The following TMOD3 variants were observed in gnomAD, a reference collection of about 807,000 sequenced individuals.
TMOD3 encodes the protein tropomodulin 3.
TMOD3 carries 20 observed loss-of-function variants against 39.2 expected under a neutral mutation model. The observed-to-expected ratio is 0.51, with a 90% CI of 0.36 to 0.74. TMOD3 has a LOEUF of 0.74. Among genes scored for constraint, TMOD3 ranks in the 30% least tolerant of loss-of-function variants. The pLI is 0.00. For missense variants in TMOD3, 381 were observed against 412.8 expected, an observed-to-expected ratio of 0.92 and a Z score of 0.67; for synonymous variants, 143 against 145.8, an observed-to-expected ratio of 0.98 and a Z score of 0.14.
chr15:51,874,768 C>T (rs1173547675), intron 3 of TMOD3, among the ~76,000 whole-genome samples: 4 of 151,874 alleles, frequency 2.6e-5, no homozygotes, highest in Non-Finnish European at 5.9e-5. Context: ...ATTTTTTTTC[C>T]CTGTGTTATT....
chr15:51,886,426 A>G (rs1274769910), intron 3 of TMOD3, among the ~76,000 whole-genome samples: 3 of 152,242 alleles, frequency 2.0e-5, no homozygotes, highest in Non-Finnish European at 2.9e-5. Flanking sequence ...GCACCTCGGG[A>G]GGCCGAGGCG....
chr15:51,839,831 A>G (rs976033613), intron 1 of TMOD3, among the ~76,000 whole-genome samples: 3 of 152,078 alleles, frequency 2.0e-5, no homozygotes, highest in African/African-American at 7.2e-5. Context: ...TTCTTTTTGG[A>G]ATTTGTTTCT....
chr15:51,873,094 C>T (rs972088421), intron 3 of TMOD3, among the ~76,000 whole-genome samples: 1 of 152,224 alleles, frequency 6.6e-6, no homozygotes, highest in Non-Finnish European at 1.5e-5. Context: ...AGACTCTCAT[C>T]TTTAAAGCAG....
intron 3 of TMOD3, among the ~76,000 whole-genome samples, chr15:51,873,654 TAGTG>T (rs949301617): frequency 6.6e-6 from 1 of 152,130 alleles, no homozygotes; most frequent in African/African-American, 2.4e-5. Context: ...CAAAATCACA[TAGTG>T]AGCTCTCATC....
chr15:51,899,719 C>G (rs1377020921), intron 7 of TMOD3, among the ~76,000 whole-genome samples: 1 of 151,416 alleles, frequency 6.6e-6, no homozygotes, highest in Non-Finnish European at 1.5e-5. Flanking sequence ...GTTCAACCAA[C>G]TTCAGATCAA....
At chr15:51,859,246 G>T (rs1477444318) in intron 1 of TMOD3, 5 of 742,690 alleles carry the variant, frequency 6.7e-6, no homozygotes, top group Non-Finnish European at 1.3e-5. Context: ...GACTCTCCCT[G>T]CAACATTTTC....
intron 3 of TMOD3, chr15:51,875,241 C>T (rs2056496119): frequency 6.6e-6 from 1 of 152,208 alleles, no homozygotes; most frequent in African/African-American, 2.4e-5. Flanking sequence ...ATAACCACCA[C>T]TGGGCAATTG....
At chr15:51,883,479 A>T (rs2433217) in intron 3 of TMOD3, among the ~76,000 whole-genome samples, 54,360 of 151,972 alleles carry the variant, frequency 0.36, 10,216 homozygotes, top group Middle Eastern at 0.43. Flanking sequence ...GCAAGTAAAA[A>T]TTGTGTTGTT....
chr15:51,868,056 T>C (rs2056455961), intron 2 of TMOD3, among the ~76,000 whole-genome samples: 1 of 152,206 alleles, frequency 6.6e-6, no homozygotes, highest in African/African-American at 2.4e-5. Context: ...AAGTACATCC[T>C]AGTGGTCATG....
intron 3 of TMOD3, among the ~76,000 whole-genome samples, chr15:51,884,894 C>T (rs189590397): frequency 2.0e-5 from 3 of 152,296 alleles, no homozygotes; most frequent in African/African-American, 7.2e-5. Context: ...GATAATAAAA[C>T]TTCATGTTGT....
At chr15:51,906,846 C>T (rs1276746446) in intron 9 of TMOD3, among the ~76,000 whole-genome samples, 3 of 152,044 alleles carry the variant, frequency 2.0e-5, no homozygotes, top group Admixed American at 6.5e-5. Flanking sequence ...GGAGAAACCC[C>T]GTCTCTACTT....
chr15:51,834,961 C>A lies in TMOD3; in HGVS notation c.-75+5125C>A, dbSNP rs547852406. The A allele has an allele frequency of 5.8e-4, 88 of 152,306 alleles. 1 individual carries two copies. The highest frequency in any genetic ancestry group is 2.0e-3 in the African/African-American group (85 of 41,582). 9.4% of individuals were successfully genotyped at this position (152,306 alleles called of 1,614,324 possible). Reference sequence around the variant, plus strand: ...CAGTTTCTTAAGCACGGACCCTGACCTTAAAAATTAAATGTTTATGCTCCT... The same window carrying A: ...CAGTTTCTTAAGCACGGACCCTGACATTAAAAATTAAATGTTTATGCTCCT... On this transcript the variant is annotated intron_variant, in intron 1 of 9. Coordinates refer to ENST00000308580, the MANE Select transcript of TMOD3 (RefSeq NM_014547.5).
rs1165711802 is a variant in TMOD3 at position 51,912,501 on chromosome 15, G to A, written c.*3691G>A. On this transcript the variant is annotated 3_prime_UTR_variant, in exon 10 of 10. Coordinates refer to ENST00000308580, the MANE Select transcript of TMOD3 (RefSeq NM_014547.5). ...TTGTACGTTATATTTAACTCTTGCT[G>A]TCATTAAAATAAGATGACAACATTT... The A allele has an allele frequency of 6.7e-6, 1 of 150,244 alleles. No individual in the cohort carries two copies. The highest frequency in any genetic ancestry group is 6.7e-5 in the Admixed American group (1 of 15,026). The allele number at this position is 150,244 out of a possible 1,614,324, so 9.3% of individuals were successfully genotyped here. A position where few individuals can be genotyped will look rare whatever the true frequency, so the allele number is the denominator to read the frequency against.
chr15:51,869,624 T>C (rs2056465035), intron 3 of TMOD3, among the ~76,000 whole-genome samples: 2 of 152,236 alleles, frequency 1.3e-5, no homozygotes, highest in African/African-American at 4.8e-5. Flanking sequence ...TTTAATTCTC[T>C]ACTATAACAG....
intron 1 of TMOD3, among the ~76,000 whole-genome samples, chr15:51,849,568 A>C (rs8038344): frequency 6.6e-6 from 1 of 151,896 alleles, no homozygotes; most frequent in African/African-American, 2.4e-5. Flanking sequence ...GGGAGGAAGG[A>C]CCAAGAAAAA....
intron 1 of TMOD3, chr15:51,859,434 A>G (rs540235679): frequency 1.5e-6 from 1 of 667,354 alleles, no homozygotes; most frequent in Admixed American, 1.8e-5. Context: ...TTCAAACTGA[A>G]TCATTTTCCT....
At chr15:51,906,430 T>G (rs1444945048) in intron 9 of TMOD3, among the ~76,000 whole-genome samples, 1 of 152,220 alleles carries the variant, frequency 6.6e-6, no homozygotes, top group East Asian at 1.9e-4. Context: ...GTTTTCTTAG[T>G]CTCAGCTATT....
chr15:51,902,066 G>A, intron 9 of TMOD3, 30 bp downstream of exon 9: 1 of 1,609,046 alleles, frequency 6.2e-7, no homozygotes, highest in Non-Finnish European at 8.5e-7. Flanking sequence ...AAGTTTCTGA[G>A]TTCTATCACA....
chr15:51,876,458 C>T (rs1264938241), intron 3 of TMOD3, among the ~76,000 whole-genome samples: 1 of 144,446 alleles, frequency 6.9e-6, no homozygotes, highest in Non-Finnish European at 1.5e-5. Context: ...GACAGTGCAC[C>T]CAGCGCTTTT....
Sources: gnomAD v4.1 joint callset for allele counts (sites outside exome capture counted in the v4.1 genomes callset) on GRCh38, gnomAD v4.1.1 for gene constraint, MANE v1.5 for transcripts, NCBI Gene and HGNC (gene_info 2026-07-23, HGNC 2026-07-21) for gene names.